Variants in OPA3 observed in about 807,000 individuals in gnomAD.
OPA3 encodes the protein optic atrophy 3 protein.
Under a neutral mutation model 4.0 loss-of-function variants are expected in OPA3, and 6 were observed. That is an observed-to-expected ratio of 1.51 (90% CI 0.83 to 2.99). The LOEUF is 2.99. Ranked by LOEUF, OPA3 falls within the 30% of genes most tolerant of loss-of-function variation. The pLI is 0.00. For synonymous variants in OPA3, 105 were observed against 117.1 expected, an observed-to-expected ratio of 0.90 and a Z score of 0.67; for missense variants, 235 against 256.2, an observed-to-expected ratio of 0.92 and a Z score of 0.56.
chr19:45,537,306 A>T (rs527532376), intron 1 of OPA3, among the ~76,000 whole-genome samples: 2 of 136,672 alleles, frequency 1.5e-5, no homozygotes, highest in East Asian at 5.0e-4. Context: ...CTGAGCGAGG[A>T]GGATCACTTA....
At chr19:45,565,520 C>G (rs1055345759) in intron 1 of OPA3, among the ~76,000 whole-genome samples, 1 of 151,998 alleles carries the variant, frequency 6.6e-6, no homozygotes, top group Non-Finnish European at 1.5e-5. Context: ...ATCCCAGCTA[C>G]CCGGGAGGCT....
intron 1 of OPA3, among the ~76,000 whole-genome samples, chr19:45,540,833 C>T (rs113507870): frequency 1.3e-5 from 2 of 151,984 alleles, no homozygotes; most frequent in Admixed American, 6.6e-5. Flanking sequence ...AGCCAGAACA[C>T]CGGGGTCCAG....
intron 1 of OPA3, among the ~76,000 whole-genome samples, chr19:45,570,722 G>A (rs1016729825): frequency 1.3e-5 from 2 of 151,384 alleles, no homozygotes; most frequent in African/African-American, 2.4e-5. Context: ...AATTAGCCGG[G>A]TGTGGTGGCA....
chr19:45,537,412 A>AC (rs1233159477), intron 1 of OPA3, among the ~76,000 whole-genome samples: 2 of 145,842 alleles, frequency 1.4e-5, no homozygotes, highest in African/African-American at 5.5e-5. Flanking sequence ...AAAAAAAAAA[A>AC]AAAAAAAAAA....
At chr19:45,545,164 CAAA>C (rs779193252), downstream of OPA3, among the ~76,000 whole-genome samples, 2 of 40,820 alleles carry the variant, frequency 4.9e-5, no homozygotes, top group African/African-American at 1.4e-4. Context: ...GACACCGTCT[CAAA>C]AAAAAAAAAA....
intron 1 of OPA3, among the ~76,000 whole-genome samples, chr19:45,539,063 A>G (rs1969153722): frequency 1.3e-5 from 2 of 152,196 alleles, no homozygotes; most frequent in Admixed American, 1.3e-4. Flanking sequence ...AAAAACTGCC[A>G]TTTTAAAATT....
intron 1 of OPA3, among the ~76,000 whole-genome samples, chr19:45,572,243 T>A (rs1176698770): frequency 1.4e-5 from 2 of 140,384 alleles, no homozygotes; most frequent in African/African-American, 5.4e-5. Context: ...TATGATTATA[T>A]ATCTCATATA....
chr19:45,575,416 G>A (rs1410442301), intron 1 of OPA3, among the ~76,000 whole-genome samples: 1 of 152,004 alleles, frequency 6.6e-6, no homozygotes, highest in East Asian at 1.9e-4. Context: ...AAGCCACCAA[G>A]CTTTGGATCA....
intron 1 of OPA3, among the ~76,000 whole-genome samples, chr19:45,554,957 A>G (rs1174946944): frequency 6.6e-6 from 1 of 151,864 alleles, no homozygotes; most frequent in Non-Finnish European, 1.5e-5. Flanking sequence ...TGCCCGTCTA[A>G]TTTTTCGTAT....
chr19:45,568,061 C>T (rs188658026), intron 1 of OPA3, among the ~76,000 whole-genome samples: 67 of 152,254 alleles, frequency 4.4e-4, no homozygotes, highest in African/African-American at 1.5e-3. Flanking sequence ...TGCACTGGTA[C>T]GATCTCAGCT....
At chr19:45,561,251 T>C (rs1969498019) in intron 1 of OPA3, among the ~76,000 whole-genome samples, 2 of 152,252 alleles carry the variant, frequency 1.3e-5, no homozygotes, top group South Asian at 4.1e-4. Context: ...GAGAATCGCT[T>C]GAACCTGGGA....
At chr19:45,542,508 G>A (rs1969196492), downstream of OPA3, among the ~76,000 whole-genome samples, 2 of 152,114 alleles carry the variant, frequency 1.3e-5, no homozygotes, top group Non-Finnish European at 2.9e-5. Flanking sequence ...TGCAGGAGTT[G>A]TAACACAATG....
At chr19:45,568,859 A>G (rs1969620705) in intron 1 of OPA3, among the ~76,000 whole-genome samples, 2 of 152,104 alleles carry the variant, frequency 1.3e-5, no homozygotes, top group African/African-American at 4.8e-5. Context: ...ATCCGGGATG[A>G]GGCACCCCTC....
chr19:45,562,561 C>T (rs547400184), intron 1 of OPA3, among the ~76,000 whole-genome samples: 3 of 151,724 alleles, frequency 2.0e-5, no homozygotes, highest in Non-Finnish European at 4.4e-5. Flanking sequence ...TGATGGCGCA[C>T]GCCTGTAATC....
intron 1 of OPA3, among the ~76,000 whole-genome samples, chr19:45,530,069 C>T (rs977244779): frequency 2.0e-5 from 3 of 152,100 alleles, no homozygotes; most frequent in African/African-American, 7.2e-5. Flanking sequence ...ATAATTCATA[C>T]TTCGCTGGGC....
intron 1 of OPA3, among the ~76,000 whole-genome samples, chr19:45,572,340 TCA>T (rs1172347861): frequency 7.3e-6 from 1 of 136,172 alleles, no homozygotes; most frequent in Non-Finnish European, 1.6e-5. Context: ...GATATATATC[TCA>T]TATATATCGA....
chr19:45,553,056 TG>T lies in OPA3; in HGVS notation c.*457del. On this transcript the variant is annotated 3_prime_UTR_variant, in exon 2 of 2. Coordinates refer to ENST00000263275, the MANE Select transcript of OPA3 (RefSeq NM_025136.4). ...GAAGGTGAGGGGGAGAAAAGGCCACTGCAACACACTGCATTTCCTTACAGTG... is the reference window on the plus strand; with the variant it reads ...GAAGGTGAGGGGGAGAAAAGGCCACTCAACACACTGCATTTCCTTACAGTG... The T allele has an allele frequency of 9.5e-7, 1 of 1,050,008 alleles. No individual in the cohort carries two copies. The highest frequency in any genetic ancestry group is 1.7e-5 in the African/African-American group (1 of 58,624). 65.0% of individuals were successfully genotyped at this position (1,050,008 alleles called of 1,614,324 possible).
chr19:45,571,652 C>A (rs541784633), intron 1 of OPA3, among the ~76,000 whole-genome samples: 1 of 152,090 alleles, frequency 6.6e-6, no homozygotes, highest in Non-Finnish European at 1.5e-5. Context: ...AACACTGGTG[C>A]GTGTGAGAAT....
At chr19:45,555,427 C>G (rs1969406361) in intron 1 of OPA3, among the ~76,000 whole-genome samples, 3 of 151,976 alleles carry the variant, frequency 2.0e-5, no homozygotes, top group Admixed American at 2.0e-4. Context: ...CCTCGACCTT[C>G]CAGGCTCAAA....
Sources: allele counts gnomAD v4.1 joint callset (sites outside exome capture counted in the v4.1 genomes callset), GRCh38; gene constraint gnomAD v4.1.1; transcripts MANE v1.5; gene names NCBI Gene and HGNC (gene_info 2026-07-23, HGNC 2026-07-21).